INKA2: variants seen among roughly 807,000 people sequenced by gnomAD.
INKA2 encodes inka box actin regulator 2.
Under a neutral mutation model 9.8 loss-of-function variants are expected in INKA2, and 3 were observed. The observed-to-expected ratio is 0.31, with a 90% CI of 0.14 to 0.79. The LOEUF (loss-of-function observed/expected upper bound fraction) is 0.79. Ranked by LOEUF, INKA2 falls within the 30% of genes least tolerant of loss-of-function variation. The probability of loss-of-function intolerance (pLI) is 0.62; values close to 1 mark genes in which losing one functional copy is unlikely to be tolerated. For missense variants in INKA2, 392 were observed against 384.4 expected, an observed-to-expected ratio of 1.02 and a Z score of -0.17; for synonymous variants, 147 against 143.3, an observed-to-expected ratio of 1.03 and a Z score of -0.18.
chr1:111,735,156 A>G (rs1250436587), intron 1 of INKA2, among the ~76,000 whole-genome samples: 1 of 152,240 alleles, frequency 6.6e-6, no homozygotes, highest in Non-Finnish European at 1.5e-5. Flanking sequence ...TAATATCATT[A>G]TTATATCTTC....
chr1:111,745,293 A>ATATTTTTTTT (rs1358304932), intron 1 of INKA2: 1 of 49,270 alleles, frequency 2.0e-5, no homozygotes, highest in Non-Finnish European at 3.7e-5. Flanking sequence ...ATATATATAT[A>ATATTTTTTTT]TTTTTTTTTT....
chr1:111,727,878 G>A (rs765100293), intron 1 of INKA2, 74 bp from the exon 2 acceptor site: 13 of 1,438,846 alleles, frequency 9.0e-6, no homozygotes, highest in African/African-American at 4.2e-5. Flanking sequence ...CCTGAACTTA[G>A]GTCCCCCACC....
intron 1 of INKA2, chr1:111,747,365 AC>A (rs1663296885): frequency 6.6e-6 from 1 of 152,154 alleles, no homozygotes; most frequent in African/African-American, 2.4e-5. Flanking sequence ...TAGTGACCAA[AC>A]CCCGCCTGGT....
At position 111,727,232 on chromosome 1, in the gene INKA2, G is replaced by C. The variant is rs759108603; in HGVS notation, c.630C>G (p.Ile210Met). The C allele has an allele frequency of 3.1e-5, 50 of 1,614,086 alleles. No individual in the cohort carries two copies. Among genetic ancestry groups the C allele is most frequent in the Non-Finnish European group, 1.8e-5 (21 of 1,180,034 alleles). Residue 210 changes from isoleucine to methionine, a missense_variant, in exon 2 of 2, where the codon ATC (isoleucine) becomes ATG (methionine). Physicochemically the swap from Ile to Met is conservative, Grantham distance 10 (BLOSUM62 1). Transcript: ENST00000357260. ...LGRRFALTAN[I>M]FKKFLRSVRP... Reference sequence around the variant, plus strand: ...GCACACTACGCAAGAACTTCTTAAAGATGTTTGCTGTCAGGGCGAACCTGC... The same window carrying C: ...GCACACTACGCAAGAACTTCTTAAACATGTTTGCTGTCAGGGCGAACCTGC...
Position 111,724,341 on chromosome 1 carries a change from C to G in INKA2, c.*2627G>C, listed in dbSNP as rs1329131405. ...GGTGCTGGGAGGTGTTCATAAAGTTCTGTTCAATTTATCCGAACCACTGTG... is the reference window on the plus strand; with the variant it reads ...GGTGCTGGGAGGTGTTCATAAAGTTGTGTTCAATTTATCCGAACCACTGTG... On this transcript the variant is annotated 3_prime_UTR_variant, in exon 2 of 2. Transcript: ENST00000357260. 1 of 152,180 alleles carries G rather than the reference C, an allele frequency of 6.6e-6. No homozygotes were observed. The highest frequency in any genetic ancestry group is 1.5e-5 in the Non-Finnish European group (1 of 68,038). 9.4% of individuals were successfully genotyped at this position (152,180 alleles called of 1,614,324 possible). A position where few individuals can be genotyped will look rare whatever the true frequency, so the allele number is the denominator to read the frequency against.
chr1:111,726,905 C>A lies in INKA2; in HGVS notation c.*63G>T. The A allele has an allele frequency of 6.6e-7, 1 of 1,506,380 alleles. No individual in the cohort carries two copies. 93.3% of individuals were successfully genotyped at this position (1,506,380 alleles called of 1,614,324 possible). On this transcript the variant is annotated 3_prime_UTR_variant, in exon 2 of 2. Coordinates refer to ENST00000357260, the MANE Select transcript of INKA2 (RefSeq NM_019099.5). The stretch of plus-strand genomic sequence containing the variant: ...AGCCATACCGCCCACCCTCCCTCCT[C>A]CCCAGGGGCCCAGCACTGGGACCTG...
At chr1:111,736,620 T>C (rs1016813838) in intron 1 of INKA2, among the ~76,000 whole-genome samples, 3 of 152,258 alleles carry the variant, frequency 2.0e-5, no homozygotes, top group African/African-American at 7.2e-5. Context: ...CAGGAGGCCA[T>C]GCCTGTGTAA....
At chr1:111,729,980 G>C (rs1662870983) in intron 1 of INKA2, among the ~76,000 whole-genome samples, 1 of 152,260 alleles carries the variant, frequency 6.6e-6, no homozygotes, top group Admixed American at 6.5e-5. Flanking sequence ...CCCCAAGACA[G>C]GCAAGAAGAA....
chr1:111,724,462 A>C lies in INKA2; in HGVS notation c.*2506T>G, dbSNP rs1234909427. Reference sequence around the variant, plus strand: ...CAGACTTGGAGCTGGTGTCATCTTGAATAATATGCTAGATGGCTTCTCCAC... The same window carrying C: ...CAGACTTGGAGCTGGTGTCATCTTGCATAATATGCTAGATGGCTTCTCCAC... On this transcript the variant is annotated 3_prime_UTR_variant, in exon 2 of 2. Transcript: ENST00000357260. 1 of 152,170 alleles carries C rather than the reference A, an allele frequency of 6.6e-6. No individual in the cohort carries two copies. The highest frequency in any genetic ancestry group is 1.5e-5 in the Non-Finnish European group (1 of 68,036). 9.4% of individuals were successfully genotyped at this position (152,170 alleles called of 1,614,324 possible).
chr1:111,751,942 A>ATT (rs34187656), intron 1 of INKA2, among the ~76,000 whole-genome samples: 27 of 142,392 alleles, frequency 1.9e-4, no homozygotes, highest in South Asian at 9.2e-4. Context: ...CATTTCCCAG[A>ATT]TTTTTTTTTT....
At position 111,725,277 on chromosome 1, in the gene INKA2, C is replaced by G. The variant is rs1318213691; in HGVS notation, c.*1691G>C. The stretch of plus-strand genomic sequence containing the variant: ...ACACCCCATCAGGCTGAGGGACAAT[C>G]AGTGGGAGGCAGAGAGGGGCAGTGG... On this transcript the variant is annotated 3_prime_UTR_variant, in exon 2 of 2. Transcript: ENST00000357260. The G allele has an allele frequency of 6.6e-6, 1 of 152,302 alleles. No individual in the cohort carries two copies. The highest frequency in any genetic ancestry group is 1.5e-5 in the Non-Finnish European group (1 of 68,100). The allele number at this position is 152,302 out of a possible 1,614,324, so 9.4% of individuals were successfully genotyped here. A position where few individuals can be genotyped will look rare whatever the true frequency, so the allele number is the denominator to read the frequency against.
intron 1 of INKA2, among the ~76,000 whole-genome samples, chr1:111,728,542 G>A (rs1662841243): frequency 6.6e-6 from 1 of 152,132 alleles, no homozygotes; most frequent in Non-Finnish European, 1.5e-5. Flanking sequence ...AAATCTGAAA[G>A]CCAAAATGCT....
Position 111,727,504 on chromosome 1 carries a change from G to A in INKA2, c.358C>T (p.Pro120Ser), listed in dbSNP as rs764467945. Reference protein sequence around the residue: ...SVCGRDLAPLPRTQPHQSCAQ... With the variant: ...SVCGRDLAPLSRTQPHQSCAQ... ...CAGCTTTGATGTGGCTGTGTCCTGGGCAAGGGGGCTAAATCCCTTCCACAG... is the reference window on the plus strand; with the variant it reads ...CAGCTTTGATGTGGCTGTGTCCTGGACAAGGGGGCTAAATCCCTTCCACAG... The change falls in exon 2 of 2, where the codon CCC becomes TCC. Residue 120 changes from proline (P) to serine (S), a missense_variant. By Grantham distance (74) the Pro-to-Ser change is moderately conservative. Transcript: ENST00000357260. 3 of 1,614,086 alleles carry A rather than the reference G, an allele frequency of 1.9e-6. No individual in the cohort carries two copies. The African/African-American group carries it at 4.0e-5, about 22-fold the overall frequency.
rs540360673 is a variant in INKA2 at position 111,727,003 on chromosome 1, A to G, written c.859T>C (p.Ser287Pro). The G allele has an allele frequency of 3.7e-6, 6 of 1,613,860 alleles. No homozygotes were observed. The South Asian group carries it at 6.6e-5, about 18-fold the overall frequency. The change falls in exon 2 of 2, where the codon TCA (serine) becomes CCA (proline). Residue 287 changes from serine to proline, a missense_variant. By Grantham distance (74) the Ser-to-Pro change is moderately conservative. Coordinates refer to ENST00000357260, the MANE Select transcript of INKA2 (RefSeq NM_019099.5). Reference sequence around the variant, plus strand: ...ACAGCTGTGTTAATATCAAATCCTGAGGGTGAGTGCTCCAGGGCCTTGGGG... The same window carrying G: ...ACAGCTGTGTTAATATCAAATCCTGGGGGTGAGTGCTCCAGGGCCTTGGGG... Reference protein sequence around the residue: ...SCPKALEHSPSGFDINTAVWV With the variant: ...SCPKALEHSPPGFDINTAVWV
chr1:111,754,370 A>G (rs1296867714), intron 1 of INKA2: 1 of 152,152 alleles, frequency 6.6e-6, no homozygotes, highest in East Asian at 1.9e-4. Flanking sequence ...TTCCAATGGG[A>G]TTACCATGTC....
At chr1:111,750,503 A>G (rs900859605) in intron 1 of INKA2, among the ~76,000 whole-genome samples, 2 of 152,236 alleles carry the variant, frequency 1.3e-5, no homozygotes, top group African/African-American at 2.4e-5. Context: ...GAATATAACA[A>G]TGAAAGTACC....
intron 1 of INKA2, among the ~76,000 whole-genome samples, chr1:111,734,753 T>C (rs1190258514): frequency 1.3e-5 from 2 of 152,254 alleles, no homozygotes; most frequent in Non-Finnish European, 2.9e-5. Flanking sequence ...CTTCTTCTGC[T>C]GTGCGTGTCC....
chr1:111,729,380 G>C (rs186429807), intron 1 of INKA2, among the ~76,000 whole-genome samples: 2 of 152,218 alleles, frequency 1.3e-5, no homozygotes, highest in Non-Finnish European at 2.9e-5. Flanking sequence ...CTGCCGCCCC[G>C]GCCAAGCCAT....
chr1:111,728,900 A>G (rs1352662914), intron 1 of INKA2, among the ~76,000 whole-genome samples: 2 of 49,136 alleles, frequency 4.1e-5, no homozygotes, highest in African/African-American at 7.1e-5. Flanking sequence ...CAGTGGAGCT[A>G]GGCTTTTTTT....
Sources: allele counts gnomAD v4.1 joint callset (sites outside exome capture counted in the v4.1 genomes callset), GRCh38; gene constraint gnomAD v4.1.1; transcripts MANE v1.5; gene names NCBI Gene and HGNC (gene_info 2026-07-23, HGNC 2026-07-21).